The following DHX36 variants were observed in gnomAD, a reference collection of about 807,000 sequenced individuals.
DHX36 encodes DEAH-box helicase 36, also known as ATP-dependent DNA/RNA helicase DHX36.
Under a neutral mutation model 139.0 loss-of-function variants are expected in DHX36, and 50 were observed. The ratio of observed to expected loss-of-function variants is 0.36; its 90% confidence interval spans 0.29 to 0.46. The LOEUF (loss-of-function observed/expected upper bound fraction) is 0.46, where lower values mean the gene tolerates loss of function less well. Ranked by LOEUF, DHX36 falls within the 20% of genes least tolerant of loss-of-function variation. The probability of loss-of-function intolerance (pLI) is 1.00; values close to 1 mark genes in which losing one functional copy is unlikely to be tolerated. For synonymous variants in DHX36, 425 were observed against 401.9 expected, an observed-to-expected ratio of 1.06 and a Z score of -0.69; for missense variants, 1,024 against 1,211.3, an observed-to-expected ratio of 0.85 and a Z score of 2.29.
chr3:154,301,710 C>T (rs773439843), intron 9 of DHX36, among the ~76,000 whole-genome samples: 1 of 152,134 alleles, frequency 6.6e-6, no homozygotes, highest in Non-Finnish European at 1.5e-5. Flanking sequence ...TCTCATATGT[C>T]AATTGAGTGC....
chr3:154,304,128 G>A (rs191824828), intron 8 of DHX36, among the ~76,000 whole-genome samples: 3 of 152,260 alleles, frequency 2.0e-5, no homozygotes, highest in Admixed American at 1.3e-4. Context: ...TATTAACTGG[G>A]ATGTATTTTA....
chr3:154,310,806 A>AATATATATAT (rs71152800), intron 4 of DHX36, among the ~76,000 whole-genome samples: 1 of 56,350 alleles, frequency 1.8e-5, no homozygotes, highest in Non-Finnish European at 2.9e-5. Context: ...AAAAAAAAAA[A>AATATATATAT]ATATATATAT....
intron 1 of DHX36, among the ~76,000 whole-genome samples, chr3:154,316,963 C>G (rs1439396587): frequency 6.6e-6 from 1 of 152,114 alleles, no homozygotes; most frequent in East Asian, 1.9e-4. Context: ...AAAGGAAACA[C>G]ACGCGGAGTG....
At position 154,280,639 on chromosome 3, in the gene DHX36, C is replaced by G. The variant is rs766398981; in HGVS notation, c.2507G>C (p.Cys836Ser). The G allele has an allele frequency of 6.2e-7, 1 of 1,613,202 alleles. No individual in the cohort carries two copies. Among genetic ancestry groups the G allele is most frequent in the East Asian group, 2.2e-5 (1 of 44,826 alleles). Reference protein sequence around the residue: ...DNEKIIKAVICAGLYPKVAKI... With the variant: ...DNEKIIKAVISAGLYPKVAKI... ...AGCAACTTTGGGATATAAACCAGCA[C>G]AGATGACAGCTTTAATTATCTTCTC... The change falls in exon 22 of 25, where the codon TGT becomes TCT. Residue 836 changes from cysteine to serine, a missense_variant. Around this residue, in one of 4 missense-constraint regions of DHX36, gnomAD observed 470 missense variants for 616.2 expected, o/e 0.76. Coordinates refer to ENST00000496811, the MANE Select transcript of DHX36 (RefSeq NM_020865.3).
In DHX36 at chr3:154,316,020, A is replaced by T. The variant is rs1712963275; in HGVS notation, c.368+19T>A. The T allele has an allele frequency of 3.1e-6, 5 of 1,605,962 alleles. No individual in the cohort carries two copies. The highest frequency in any genetic ancestry group is 4.2e-6 in the Non-Finnish European group (5 of 1,177,020). On this transcript the variant is annotated intron_variant, in intron 2 of 24. Transcript: ENST00000496811. ...TGTTACTCTTTGCCTATTCTTTAAAAAAATATTTCTTGTCGTACCCATGAT... is the reference window on the plus strand; with the variant it reads ...TGTTACTCTTTGCCTATTCTTTAAATAAATATTTCTTGTCGTACCCATGAT...
At chr3:154,291,497 T>G (rs1158184987) in intron 15 of DHX36, among the ~76,000 whole-genome samples, 1 of 152,214 alleles carries the variant, frequency 6.6e-6, no homozygotes, top group Non-Finnish European at 1.5e-5. Flanking sequence ...GGGTCCCTTA[T>G]CAAGTTATTC....
intron 14 of DHX36, among the ~76,000 whole-genome samples, chr3:154,293,330 A>C (rs572800287): frequency 6.6e-6 from 1 of 152,316 alleles, no homozygotes; most frequent in Non-Finnish European, 1.5e-5. Context: ...CTGTCATCCC[A>C]GCACTTTGGG....
At chr3:154,307,565 A>C (rs1712551103) in intron 5 of DHX36, among the ~76,000 whole-genome samples, 1 of 152,286 alleles carries the variant, frequency 6.6e-6, no homozygotes, top group African/African-American at 2.4e-5. Flanking sequence ...CCACAATGAG[A>C]TATCATCTTA....
chr3:154,305,258 G>T, intron 6 of DHX36, 90 bp from the exon 7 acceptor site: 1 of 1,128,318 alleles, frequency 8.9e-7, no homozygotes, highest in Non-Finnish European at 1.3e-6. Flanking sequence ...TTTTAGAAAT[G>T]CTTTCAGTTT....
intron 5 of DHX36, among the ~76,000 whole-genome samples, chr3:154,307,526 A>G (rs1712549770): frequency 6.6e-6 from 1 of 152,146 alleles, no homozygotes; most frequent in Admixed American, 6.5e-5. Context: ...GCACAACATC[A>G]CTAATCATCA....
At chr3:154,289,012 T>C in intron 16 of DHX36, 48 bp from the exon 17 acceptor site, 1 of 976,446 alleles carries the variant, frequency 1.0e-6, no homozygotes, top group Non-Finnish European at 1.5e-6. Flanking sequence ...TATTAATATA[T>C]TAGCATTACA....
intron 15 of DHX36, among the ~76,000 whole-genome samples, chr3:154,291,134 C>CAAAAAAAAAAAAAA (rs71152798): frequency 1.6e-5 from 1 of 61,050 alleles, no homozygotes; most frequent in African/African-American, 6.8e-5. Flanking sequence ...GACTCCGTCT[C>CAAAAAAAAAAAAAA]AAAAAAAAAA....
chr3:154,289,221 C>A (rs1354221488), intron 16 of DHX36, among the ~76,000 whole-genome samples: 2 of 152,110 alleles, frequency 1.3e-5, no homozygotes, highest in African/African-American at 2.4e-5. Flanking sequence ...AAGTTGATTA[C>A]CCACTATCTT....
intron 3 of DHX36, among the ~76,000 whole-genome samples, chr3:154,313,324 T>C (rs1712842320): frequency 6.6e-6 from 1 of 152,140 alleles, no homozygotes; most frequent in African/African-American, 2.4e-5. Context: ...ATAACGAAGA[T>C]GTGAGATAAT....
intron 13 of DHX36, among the ~76,000 whole-genome samples, chr3:154,294,536 G>C (rs1340505016): frequency 1.3e-5 from 2 of 152,142 alleles, no homozygotes; most frequent in Non-Finnish European, 2.9e-5. Flanking sequence ...TTCCATGCTG[G>C]ATACTCTTTC....
chr3:154,289,866 A>C, intron 15 of DHX36, 40 bp from the exon 16 acceptor site: 1 of 1,302,190 alleles, frequency 7.7e-7, no homozygotes, highest in Non-Finnish European at 1.1e-6. Flanking sequence ...AAAGAGGGAC[A>C]GTCATCAATG....
chr3:154,276,860 G>A lies in DHX36; in HGVS notation c.2728C>T (p.Leu910Phe), dbSNP rs757479472. 6.2e-7 allele frequency: 1 copy of A among 1,613,810 alleles called. No individual in the cohort carries two copies. Among genetic ancestry groups the A allele is most frequent in the Non-Finnish European group, 8.5e-7 (1 of 1,179,876 alleles). ...GAAATGTCACCTCCAAAAAACAAGA[G>A]ACAGTATGGGGAAACCTCTGTGCAG... Reference protein sequence around the residue: ...YDCTEVSPYCLLFFGGDISIQ... With the variant: ...YDCTEVSPYCFLFFGGDISIQ... The change falls in exon 24 of 25, where the codon CTC (leucine) becomes TTC (phenylalanine). Residue 910 changes from leucine to phenylalanine, a missense_variant. Around this residue, in one of 4 missense-constraint regions of DHX36, gnomAD observed 470 missense variants for 616.2 expected, o/e 0.76. Transcript: ENST00000496811.
In DHX36 at chr3:154,315,101, T is replaced by G; in HGVS notation, c.548A>C (p.Lys183Thr). The change falls in exon 3 of 25, where the codon AAA becomes ACA. Residue 183 changes from lysine (K) to threonine (T), a missense_variant. Around this residue, in one of 4 missense-constraint regions of DHX36, gnomAD observed 293 missense variants for 274.4 expected, o/e 1.07. Transcript: ENST00000496811. Reference protein sequence around the residue: ...ENEPDGTLDQKLLEDLQKKKN... With the variant: ...ENEPDGTLDQTLLEDLQKKKN... ...TTTCTTTTGTAAATCTTCCAATAAT[T>G]TTTGGTCTAAAGTTCCATCTGGTTC... 1 of 1,612,844 alleles carries G rather than the reference T, an allele frequency of 6.2e-7. No homozygotes were observed.
chr3:154,285,629 GCTACC>G (rs1288188190), intron 17 of DHX36, among the ~76,000 whole-genome samples: 2 of 152,104 alleles, frequency 1.3e-5, no homozygotes, highest in African/African-American at 4.8e-5. Flanking sequence ...CTGAAAAAAA[GCTACC>G]CTCATCCCAA....
Sources: gnomAD v4.1 joint callset for allele counts (sites outside exome capture counted in the v4.1 genomes callset) on GRCh38, gnomAD v4.1.1 for gene constraint, gnomAD v4.1.1 regional missense constraint, MANE v1.5 for transcripts, NCBI Gene and HGNC (gene_info 2026-07-23, HGNC 2026-07-21) for gene names.